Variants in DNAH10 observed in about 807,000 individuals in gnomAD.
The protein encoded by DNAH10 is dynein axonemal heavy chain 10.
A neutral mutation model predicts 506.6 loss-of-function variants in DNAH10; 348 were observed. The ratio of observed to expected loss-of-function variants is 0.69; its 90% CI spans 0.63 to 0.75. The LOEUF (loss-of-function observed/expected upper bound fraction) is 0.75, where lower values mean the gene tolerates loss of function less well. Among genes scored for constraint, DNAH10 ranks in the 30% least tolerant of loss-of-function variants. The pLI is 0.00. For missense variants in DNAH10, 5,179 were observed against 5,787.1 expected (o/e 0.89, Z 3.41); for synonymous variants, 2,059 against 2,198.6 (o/e 0.94, Z 1.78).
At chr12:123,805,225 A>G (rs556252056) in intron 18 of DNAH10, among the ~76,000 whole-genome samples, 185 bp downstream of exon 18, 35 of 152,236 alleles carry the variant, frequency 2.3e-4, no homozygotes, top group African/African-American at 8.2e-4. Flanking sequence ...GCCCCTCAAC[A>G]TTCCAAAAAA....
chr12:123,806,460 G>A (rs1256240315), intron 18 of DNAH10, among the ~76,000 whole-genome samples: 1 of 152,178 alleles, frequency 6.6e-6, no homozygotes. Context: ...CTGAAATGGT[G>A]TCTGATTAGT....
At chr12:123,933,209 C>A in intron 76 of DNAH10, 122 bp from the exon 77 acceptor site, 1 of 946,580 alleles carries the variant, frequency 1.1e-6, no homozygotes, top group Non-Finnish European at 1.4e-6. Context: ...GTTGTGCCAA[C>A]GCCATCTTTT....
rs1565946840 is a variant in DNAH10 at position 123,820,569 on chromosome 12, T to G, written c.4001-11T>G. 4 of 1,611,734 alleles carry G rather than the reference T, an allele frequency of 2.5e-6. No individual in the cohort carries two copies. The highest frequency in any genetic ancestry group is 3.4e-6 in the Non-Finnish European group (4 of 1,178,932). On this transcript the variant is annotated splice_polypyrimidine_tract_variant and intron_variant, in intron 23 of 78. Transcript: ENST00000673944. ...TGTATTTATTCACTCATCGGTGTAT[T>G]TATTTACTAGGAGTAGAGCTTTTAG... is the stretch of plus-strand genomic sequence containing the variant.
rs1158863154 is a variant in DNAH10 at position 123,857,175 on chromosome 12, C to G, written c.6558C>G (p.Val2186=). The G allele has an allele frequency of 6.2e-7, 1 of 1,609,418 alleles. No individual in the cohort carries two copies. The highest frequency in any genetic ancestry group is 1.7e-5 in the Admixed American group (1 of 59,216). The change falls in exon 37 of 79, where the codon GTC becomes GTG. Residue 2186 remains valine (V), a synonymous_variant. Coordinates refer to ENST00000673944, the MANE Select transcript of DNAH10 (RefSeq NM_001372106.1). ...DLFPGLDCPR[V]RYPDFNDAVE... is the part of the protein sequence containing the mutation. ...TTCCTGGGCTGGACTGCCCTCGCGT[C>G]CGCTACCCTGACTTCAACGATGCGG...
At chr12:123,764,730 C>T (rs1365738888) in intron 1 of DNAH10, among the ~76,000 whole-genome samples, 1 of 152,166 alleles carries the variant, frequency 6.6e-6, no homozygotes, top group Non-Finnish European at 1.5e-5. Context: ...CCCCCTGACC[C>T]GTTTCTGGGC....
intron 28 of DNAH10, 69 bp downstream of exon 28, chr12:123,835,597 T>C: frequency 6.5e-7 from 1 of 1,540,490 alleles, no homozygotes; most frequent in Non-Finnish European, 8.7e-7. Flanking sequence ...ACCTTTTTAT[T>C]TGCACATTGT....
In DNAH10 at chr12:123,873,736, G is replaced by A. The variant is rs746340996; in HGVS notation, c.7938+26G>A. On this transcript the variant is annotated intron_variant, in intron 46 of 78. Coordinates refer to ENST00000673944, the MANE Select transcript of DNAH10 (RefSeq NM_001372106.1). ...GTAGTTTGACGCTCAAGCAGGTGGA[G>A]GGATGGGTCAAGACAGTGCTTGTGT... The A allele has an allele frequency of 1.6e-5, 25 of 1,588,542 alleles. No individual in the cohort carries two copies. In the East Asian group the frequency reaches 5.4e-4, roughly 35 times the overall value.
chr12:123,859,878 A>T (rs1255732631), intron 38 of DNAH10, among the ~76,000 whole-genome samples: 1 of 152,122 alleles, frequency 6.6e-6, no homozygotes, highest in Non-Finnish European at 1.5e-5. Context: ...ACATTAAAAA[A>T]AAATTAGCTG....
In DNAH10 at chr12:123,785,927, C is replaced by T. The variant is rs761717192; in HGVS notation, c.1412C>T (p.Thr471Ile). 6.2e-7 allele frequency: 1 copy of T among 1,609,942 alleles called. No homozygotes were observed. The change falls in exon 9 of 79, where the codon ACT becomes ATT. Residue 471 changes from threonine to isoleucine, a missense_variant. Coordinates refer to ENST00000673944, the MANE Select transcript of DNAH10 (RefSeq NM_001372106.1). The surrounding 1 kb of genome is among the most constrained non-coding windows in gnomAD (Gnocchi z 4.1). ...ERVCRVVNLRTLFKENRASAQ... is the reference protein window; with the variant it reads ...ERVCRVVNLRILFKENRASAQ... ...GTCTGCCGAGTGGTCAACCTGCGGA[C>T]TTTGTTCAAGTAAGAAGCCATGGCG... is the stretch of plus-strand genomic sequence containing the variant.
rs139192229 is a variant in DNAH10, at chr12:123,928,381, G to A, written c.12106-6G>A. The A allele has an allele frequency of 0.014, 21,533 of 1,584,148 alleles. 183 individuals are homozygous for A. Among genetic ancestry groups the A allele is most frequent in the Non-Finnish European group, 0.016 (18,976 of 1,165,782 alleles). ...CCCCTCTCCTCTTCCCTCTCCCCCG[G>A]CGCAGGTGGCCCTGCAGCTGCTGGA... On this transcript the variant is annotated splice_polypyrimidine_tract_variant and splice_region_variant and intron_variant, in intron 69 of 78. Transcript: ENST00000673944. This position sits in a 1 kb window ranked among gnomAD's most constrained non-coding sequence, Gnocchi z 4.9.
intron 54 of DNAH10, among the ~76,000 whole-genome samples, chr12:123,895,884 G>A (rs981167075): frequency 2.6e-5 from 4 of 151,952 alleles, no homozygotes; most frequent in Non-Finnish European, 5.9e-5. Context: ...AGGCTGAGGC[G>A]GGTGGATCAC....
At chr12:123,778,149 A>G (rs995941596) in intron 5 of DNAH10, among the ~76,000 whole-genome samples, 1 of 151,786 alleles carries the variant, frequency 6.6e-6, no homozygotes, top group Admixed American at 6.6e-5. Context: ...GTTGCAGTGC[A>G]TGGTGGTCAT....
intron 62 of DNAH10, 66 bp downstream of exon 62, chr12:123,915,065 G>C (rs1034018000): frequency 4.0e-6 from 6 of 1,510,452 alleles, no homozygotes; most frequent in Non-Finnish European, 5.3e-6. Flanking sequence ...TGCCCCTCCC[G>C]CCTCCTGTAC....
chr12:123,902,918 A>T lies in DNAH10; in HGVS notation c.9641-21A>T. The T allele has an allele frequency of 1.3e-6, 2 of 1,562,646 alleles. No individual in the cohort carries two copies. The highest frequency in any genetic ancestry group is 1.7e-6 in the Non-Finnish European group (2 of 1,154,166). On this transcript the variant is annotated intron_variant, in intron 56 of 78. Coordinates refer to ENST00000673944, the MANE Select transcript of DNAH10 (RefSeq NM_001372106.1). This position sits in a 1 kb window ranked among gnomAD's most constrained non-coding sequence, Gnocchi z 4.5. ...TCTCCTCTGAGCCCAAGCTTTACTCACCCCCTGTCCTACCCTGCAGCCGAG... is the reference window on the plus strand; with the variant it reads ...TCTCCTCTGAGCCCAAGCTTTACTCTCCCCCTGTCCTACCCTGCAGCCGAG...
At chr12:123,802,858 C>T (rs188207667) in intron 16 of DNAH10, among the ~76,000 whole-genome samples, 8 of 151,828 alleles carry the variant, frequency 5.3e-5, no homozygotes, top group Admixed American at 1.3e-4. Context: ...ACAAATATGT[C>T]ATGTGTATGG....
At chr12:123,806,925 G>A (rs1421203592) in intron 18 of DNAH10, among the ~76,000 whole-genome samples, 2 of 151,920 alleles carry the variant, frequency 1.3e-5, no homozygotes, top group African/African-American at 4.8e-5. Context: ...CCACCATCAC[G>A]CCCAGCTAAT....
chr12:123,935,192 C>T (rs746506786), intron 78 of DNAH10, 143 bp from the exon 79 acceptor site: 181 of 993,084 alleles, frequency 1.8e-4, no homozygotes, highest in Non-Finnish European at 2.6e-4. Flanking sequence ...GGAGGGTGGC[C>T]CTGAGCAGCC....
rs148725232 is a variant in DNAH10, at chr12:123,833,523, A to G, written c.4779+176A>G. 6.4e-4 allele frequency among the ~76,000 whole-genome samples: 98 copies of G among 152,328 alleles called. 1 individual carries two copies. Among genetic ancestry groups the G allele is most frequent in the African/African-American group, 1.6e-3 (68 of 41,576 alleles). On this transcript the variant is annotated intron_variant, in intron 27 of 78. Transcript: ENST00000673944. ...TTTGAGGACAAGAGTGCATGATCAA[A>G]GGAATTGATCTGAATTTTTATTTTA...
At position 123,873,608 on chromosome 12, in the gene DNAH10, A is replaced by T; in HGVS notation, c.7836A>T (p.Gln2612His). Residue 2612 changes from glutamine to histidine, a missense_variant, in exon 46 of 79, where the codon CAA (glutamine) becomes CAT (histidine). Gln to His is a conservative substitution (Grantham distance 24, BLOSUM62 0). Coordinates refer to ENST00000673944, the MANE Select transcript of DNAH10 (RefSeq NM_001372106.1). ...FSSRTTSMDI[Q>H]RNLEANVEKR... ...CCCGCACCACGTCCATGGATATCCA[A>T]AGAAATTTAGAAGCAAATGTGGAAA... 6.2e-7 allele frequency: 1 copy of T among 1,613,938 alleles called. No individual in the cohort carries two copies.
Sources: gnomAD v4.1 joint callset for allele counts (sites outside exome capture counted in the v4.1 genomes callset) on GRCh38, gnomAD v4.1.1 for gene constraint, Gnocchi (gnomAD v3.1) non-coding constraint, MANE v1.5 for transcripts, NCBI Gene and HGNC (gene_info 2026-07-23, HGNC 2026-07-21) for gene names.